MARCHF1: variants seen among roughly 807,000 people sequenced by gnomAD.
The protein encoded by MARCHF1 is membrane associated ring-CH-type finger 1, also known as E3 ubiquitin-protein ligase MARCHF1.
Under a neutral mutation model 54.2 loss-of-function variants are expected in MARCHF1, and 40 were observed. The observed-to-expected ratio is 0.74, with a 90% CI of 0.57 to 0.96. The LOEUF is 0.96. Among genes scored for constraint, MARCHF1 ranks in the 40% least tolerant of loss-of-function variants. The pLI is 0.00. For synonymous variants in MARCHF1, 236 were observed against 236.3 expected, an observed-to-expected ratio of 1.00 and a Z score of 0.01; for missense variants, 586 against 656.5, an observed-to-expected ratio of 0.89 and a Z score of 1.17.
At chr4:164,232,543 C>T (rs1732442206) in intron 1 of MARCHF1, among the ~76,000 whole-genome samples, 1 of 152,152 alleles carries the variant, frequency 6.6e-6, no homozygotes, top group Admixed American at 6.6e-5. Flanking sequence ...ACTACTATTT[C>T]TAAACCATAA....
At chr4:164,296,504 G>T (rs1734414915) in intron 1 of MARCHF1, among the ~76,000 whole-genome samples, 1 of 151,994 alleles carries the variant, frequency 6.6e-6, no homozygotes, top group Non-Finnish European at 1.5e-5. Context: ...CGAGTAGGTG[G>T]GATTACAGGC....
At chr4:164,335,920 A>G (rs761712073) in intron 1 of MARCHF1, among the ~76,000 whole-genome samples, 8 of 152,090 alleles carry the variant, frequency 5.3e-5, no homozygotes, top group Non-Finnish European at 1.2e-4. Flanking sequence ...TCTTCCAGTA[A>G]TCAATCAGGC....
At chr4:164,017,270 T>C (rs1011192695) in intron 2 of MARCHF1, among the ~76,000 whole-genome samples, 1 of 152,068 alleles carries the variant, frequency 6.6e-6, no homozygotes, top group Non-Finnish European at 1.5e-5. Flanking sequence ...GAATGTTCAA[T>C]CACATTATTT....
chr4:163,945,362 A>C (rs368107387), intron 3 of MARCHF1, among the ~76,000 whole-genome samples: 1 of 152,168 alleles, frequency 6.6e-6, no homozygotes, highest in African/African-American at 2.4e-5. Flanking sequence ...GTCCTGTGAG[A>C]TATTTGATAA....
At position 164,072,855 on chromosome 4, in the gene MARCHF1, A is replaced by G. The variant is rs114850760; in HGVS notation, c.-248+38733T>C. Among the ~76,000 whole-genome samples, 995 of 152,314 alleles carry G rather than the reference A, an allele frequency of 6.5e-3. 16 individuals carry two copies. Among genetic ancestry groups the G allele is most frequent in the African/African-American group, 0.022 (915 of 41,570 alleles). On this transcript the variant is annotated intron_variant, in intron 2 of 9. Coordinates refer to ENST00000514618, the MANE Select transcript of MARCHF1 (RefSeq NM_001394959.1). ...TGGAGAAGATATAAAAATGTGTGAG[A>G]AATGTTTGCACCTGCCTGTAATTGA...
At chr4:163,732,360 A>C (rs1693698674) in intron 4 of MARCHF1, among the ~76,000 whole-genome samples, 1 of 152,210 alleles carries the variant, frequency 6.6e-6, no homozygotes, top group African/African-American at 2.4e-5. Flanking sequence ...TGAAACACAG[A>C]AAAAAGATGG....
intron 1 of MARCHF1, among the ~76,000 whole-genome samples, chr4:164,254,347 T>G (rs1182667083): frequency 6.6e-6 from 1 of 150,470 alleles, no homozygotes; most frequent in Non-Finnish European, 1.5e-5. Flanking sequence ...TAGAGGATAT[T>G]ATATATATAA....
At chr4:163,802,061 A>C (rs534436818) in intron 4 of MARCHF1, among the ~76,000 whole-genome samples, 1 of 152,138 alleles carries the variant, frequency 6.6e-6, no homozygotes. Context: ...TGAAGCATCA[A>C]TGATAGTTCT....
At chr4:163,702,473 A>G (rs1744837568) in intron 4 of MARCHF1, among the ~76,000 whole-genome samples, 1 of 152,172 alleles carries the variant, frequency 6.6e-6, no homozygotes, top group African/African-American at 2.4e-5. Flanking sequence ...TGTTTTCTAT[A>G]TTTACATGAC....
intron 2 of MARCHF1, among the ~76,000 whole-genome samples, chr4:164,010,442 A>G (rs1162297939): frequency 6.6e-6 from 1 of 152,054 alleles, no homozygotes; most frequent in African/African-American, 2.4e-5. Context: ...GTTGCAGTAT[A>G]CAAAATAAAC....
chr4:163,705,244 T>C (rs546669817), intron 4 of MARCHF1, among the ~76,000 whole-genome samples: 1 of 151,672 alleles, frequency 6.6e-6, no homozygotes, highest in African/African-American at 2.4e-5. Context: ...ATTATTGTCA[T>C]AGAAACATAA....
At chr4:164,173,674 A>C (rs571462362) in intron 1 of MARCHF1, among the ~76,000 whole-genome samples, 3 of 152,180 alleles carry the variant, frequency 2.0e-5, no homozygotes, top group Admixed American at 2.0e-4. Flanking sequence ...TGAACCTTGC[A>C]TGTCCTCCCC....
chr4:164,219,168 T>C (rs1732020566), intron 1 of MARCHF1, among the ~76,000 whole-genome samples: 1 of 152,160 alleles, frequency 6.6e-6, no homozygotes, highest in South Asian at 2.1e-4. Flanking sequence ...AGGAAGATTA[T>C]AGTGGTGCTG....
chr4:164,215,578 C>T (rs1242373825), intron 1 of MARCHF1, among the ~76,000 whole-genome samples: 1 of 152,200 alleles, frequency 6.6e-6, no homozygotes, highest in Non-Finnish European at 1.5e-5. Context: ...CTTCTCCCTT[C>T]CATATCATTT....
At chr4:164,043,358 T>C (rs901912088) in intron 2 of MARCHF1, among the ~76,000 whole-genome samples, 4 of 152,154 alleles carry the variant, frequency 2.6e-5, no homozygotes, top group African/African-American at 4.8e-5. Context: ...GCAGGCCCAA[T>C]ACCACATGGA....
At chr4:163,958,952 G>A (rs1306482586) in intron 3 of MARCHF1, among the ~76,000 whole-genome samples, 4 of 151,910 alleles carry the variant, frequency 2.6e-5, no homozygotes, top group African/African-American at 9.7e-5. Flanking sequence ...AAGCTGTCTA[G>A]ACCATCTGTT....
At chr4:164,043,439 CAGCTGG>C (rs1230860019) in intron 2 of MARCHF1, among the ~76,000 whole-genome samples, 1 of 152,178 alleles carries the variant, frequency 6.6e-6, no homozygotes, top group Non-Finnish European at 1.5e-5. Flanking sequence ...CTTTTAGCCA[CAGCTGG>C]AGCTGGAGCA....
chr4:163,661,360 G>C (rs1743337363), intron 5 of MARCHF1, among the ~76,000 whole-genome samples: 2 of 151,724 alleles, frequency 1.3e-5, no homozygotes, highest in Non-Finnish European at 2.9e-5. Context: ...CTTTCCTCTG[G>C]AGCCTTCTGT....
At chr4:163,564,597 A>G (rs1739583457) in intron 8 of MARCHF1, among the ~76,000 whole-genome samples, 1 of 152,224 alleles carries the variant, frequency 6.6e-6, no homozygotes. Context: ...AGTCTTGTAA[A>G]TATTTTAAAA....
Sources: gnomAD v4.1 joint callset for allele counts (sites outside exome capture counted in the v4.1 genomes callset) on GRCh38, gnomAD v4.1.1 for gene constraint, MANE v1.5 for transcripts, NCBI Gene and HGNC (gene_info 2026-07-23, HGNC 2026-07-21) for gene names.